Variants in LRRTM4 observed in about 807,000 individuals in gnomAD.
LRRTM4 encodes the protein leucine-rich repeat transmembrane neuronal protein 4.
A neutral mutation model predicts 47.6 loss-of-function variants in LRRTM4; 25 were observed. That is an observed-to-expected ratio of 0.53 (90% CI 0.38 to 0.73). The LOEUF is 0.73. LRRTM4 is among the 30% of genes least tolerant of loss of function. The pLI is 0.00. For synonymous variants in LRRTM4, 311 were observed against 269.5 expected, an observed-to-expected ratio of 1.15 and a Z score of -1.51; for missense variants, 638 against 713.4, an observed-to-expected ratio of 0.89 and a Z score of 1.20.
At chr2:77,401,902 T>A (rs897275930) in intron 3 of LRRTM4, among the ~76,000 whole-genome samples, 4 of 151,990 alleles carry the variant, frequency 2.6e-5, no homozygotes, top group African/African-American at 9.7e-5. Flanking sequence ...AGGCTGAGAA[T>A]CTCTGGTGGA....
chr2:76,994,350 C>T (rs1265277850), intron 3 of LRRTM4, among the ~76,000 whole-genome samples: 2 of 151,742 alleles, frequency 1.3e-5, no homozygotes, highest in South Asian at 2.1e-4. Flanking sequence ...GATGGTGAAT[C>T]CCCCAAGCTG....
At chr2:77,126,659 G>C (rs1671659305) in intron 3 of LRRTM4, among the ~76,000 whole-genome samples, 1 of 152,164 alleles carries the variant, frequency 6.6e-6, no homozygotes, top group Non-Finnish European at 1.5e-5. Context: ...AAGAGAAATG[G>C]GAAGTGACAT....
At chr2:76,844,950 C>T (rs1272682557) in intron 3 of LRRTM4, among the ~76,000 whole-genome samples, 1 of 152,104 alleles carries the variant, frequency 6.6e-6, no homozygotes, top group African/African-American at 2.4e-5. Flanking sequence ...AAAGCCTACT[C>T]ATAGGGCCTG....
In LRRTM4 at chr2:77,217,468, T is replaced by C. The variant is rs113552313; in HGVS notation, c.1551+300850A>G. Among the ~76,000 whole-genome samples, 146 of 134,104 alleles carry C rather than the reference T, an allele frequency of 1.1e-3. 1 individual carries two copies. Among genetic ancestry groups the C allele is most frequent in the South Asian group, 2.3e-3 (10 of 4,360 alleles). The allele number at this position is 134,104 out of a possible 152,430, so 88.0% of individuals were successfully genotyped here. A position where few individuals can be genotyped will look rare whatever the true frequency, so the allele number is the denominator to read the frequency against. ...ATATATATATATATATATATATATA[T>C]ACTAAGCCTTTAATTTAAAAAGATA... On this transcript the variant is annotated intron_variant, in intron 3 of 3. Transcript: ENST00000409884.
intron 3 of LRRTM4, among the ~76,000 whole-genome samples, chr2:77,059,660 C>A (rs73940272): frequency 0.029 from 4,351 of 152,154 alleles, 152 homozygotes; most frequent in African/African-American, 0.091. Context: ...ATGTTCTGTA[C>A]CAAGTAATTA....
chr2:76,914,417 G>A (rs1674175358), intron 3 of LRRTM4, among the ~76,000 whole-genome samples: 1 of 151,868 alleles, frequency 6.6e-6, no homozygotes, highest in African/African-American at 2.4e-5. Context: ...CTTTATATTT[G>A]GGGTTGATTT....
intron 3 of LRRTM4, among the ~76,000 whole-genome samples, chr2:77,274,267 C>T (rs59026839): frequency 0.16 from 23,684 of 151,920 alleles, 4,004 homozygotes; most frequent in African/African-American, 0.42. Context: ...AATGAGCATC[C>T]AGATGAGATA....
intron 3 of LRRTM4, among the ~76,000 whole-genome samples, chr2:77,167,418 T>G (rs902820119): frequency 6.6e-6 from 1 of 152,078 alleles, no homozygotes; most frequent in Non-Finnish European, 1.5e-5. Context: ...TCTAGAACTA[T>G]AAATGCCATT....
intron 3 of LRRTM4, among the ~76,000 whole-genome samples, chr2:77,007,250 A>G (rs991310205): frequency 3.3e-5 from 5 of 152,088 alleles, no homozygotes; most frequent in African/African-American, 9.7e-5. Flanking sequence ...TAAGAGAAGA[A>G]AGACTAAGAA....
intron 3 of LRRTM4, among the ~76,000 whole-genome samples, chr2:76,802,987 C>T (rs1294617886): frequency 1.3e-5 from 2 of 152,032 alleles, no homozygotes; most frequent in Non-Finnish European, 2.9e-5. Flanking sequence ...GGACCTGATA[C>T]TATAAAACAA....
intron 3 of LRRTM4, among the ~76,000 whole-genome samples, chr2:77,344,155 T>G (rs1326333233): frequency 6.6e-6 from 1 of 151,826 alleles, no homozygotes; most frequent in Non-Finnish European, 1.5e-5. Flanking sequence ...CATAACATAA[T>G]ATTAACATAT....
intron 3 of LRRTM4, among the ~76,000 whole-genome samples, chr2:76,905,780 A>C (rs1224414500): frequency 2.6e-5 from 4 of 152,082 alleles, no homozygotes; most frequent in Non-Finnish European, 5.9e-5. Context: ...ATGAAGCGAG[A>C]AGGCAAGTTT....
chr2:77,349,035 A>G (rs970718647), intron 3 of LRRTM4, among the ~76,000 whole-genome samples: 19 of 152,078 alleles, frequency 1.2e-4, no homozygotes, highest in Non-Finnish European at 2.1e-4. Flanking sequence ...CAGTAATATC[A>G]GGAGGTGGGC....
chr2:77,354,386 A>G (rs1201414344), intron 3 of LRRTM4, among the ~76,000 whole-genome samples: 1 of 151,202 alleles, frequency 6.6e-6, no homozygotes, highest in African/African-American at 2.4e-5. Context: ...ATCTTCTTAA[A>G]ATGTAGATAT....
rs1217564861 is a variant in LRRTM4, at chr2:77,519,332, G to T, written c.537C>A (p.Asp179Glu). 1 of 1,613,330 alleles carries T rather than the reference G, an allele frequency of 6.2e-7. No individual in the cohort carries two copies. Among genetic ancestry groups the T allele is most frequent in the East Asian group, 2.2e-5 (1 of 44,858 alleles). The change falls in exon 3 of 4, where the codon GAC (aspartate) becomes GAA (glutamate). Residue 179 changes from aspartate (D) to glutamate (E), a missense_variant. By Grantham distance (45) the Asp-to-Glu change is conservative. Coordinates refer to ENST00000409884, the MANE Select transcript of LRRTM4 (RefSeq NM_001134745.3). The surrounding 1 kb of genome is among the most constrained non-coding windows in gnomAD (Gnocchi z 4.6). ...AATCCAAAAAATCAAGATTCCGACA[G>T]TCTTGAAAAACTCTTATGGGCACAG... ...LKTVPIRVFQ[D>E]CRNLDFLDLG...
At chr2:77,256,829 G>A (rs1675781916) in intron 3 of LRRTM4, among the ~76,000 whole-genome samples, 1 of 121,008 alleles carries the variant, frequency 8.3e-6, no homozygotes, top group Non-Finnish European at 1.5e-5. Flanking sequence ...AAGTCCATAG[G>A]GAAGGAAGGA....
At chr2:77,039,887 C>A (rs1558543435) in intron 3 of LRRTM4, among the ~76,000 whole-genome samples, 1 of 150,786 alleles carries the variant, frequency 6.6e-6, no homozygotes, top group Non-Finnish European at 1.5e-5. Context: ...CAAAAGGAAA[C>A]TTAGTAATTT....
intron 3 of LRRTM4, among the ~76,000 whole-genome samples, chr2:76,953,865 G>A (rs1675576827): frequency 6.6e-6 from 1 of 151,872 alleles, no homozygotes; most frequent in Admixed American, 6.6e-5. Flanking sequence ...TATGCTTGAA[G>A]GTTACAGAGC....
intron 3 of LRRTM4, among the ~76,000 whole-genome samples, chr2:77,037,454 G>A (rs1678874666): frequency 6.6e-6 from 1 of 151,608 alleles, no homozygotes; most frequent in Non-Finnish European, 1.5e-5. Flanking sequence ...ATAATTGCAA[G>A]CATTATACAG....
Sources: gnomAD v4.1 joint callset for allele counts (sites outside exome capture counted in the v4.1 genomes callset) on GRCh38, gnomAD v4.1.1 for gene constraint, Gnocchi (gnomAD v3.1) non-coding constraint, MANE v1.5 for transcripts, NCBI Gene and HGNC (gene_info 2026-07-23, HGNC 2026-07-21) for gene names.